GRM7: variants seen among roughly 807,000 people sequenced by gnomAD.
The protein encoded by GRM7 is metabotropic glutamate receptor 7.
A neutral mutation model predicts 84.5 loss-of-function variants in GRM7; 35 were observed. The ratio of observed to expected loss-of-function variants is 0.41; its 90% CI spans 0.32 to 0.55. The LOEUF (loss-of-function observed/expected upper bound fraction) is 0.55. Among genes scored for constraint, GRM7 ranks in the 20% least tolerant of loss-of-function variants. GRM7 has a pLI of 0.19. For synonymous variants in GRM7, 487 were observed against 455.1 expected, an observed-to-expected ratio of 1.07 and a Z score of -0.89; for missense variants, 1,003 against 1,194.6, an observed-to-expected ratio of 0.84 and a Z score of 2.36.
chr3:7,023,013 C>G (rs990284973), intron 1 of GRM7, among the ~76,000 whole-genome samples: 48 of 142,514 alleles, frequency 3.4e-4, no homozygotes, highest in Non-Finnish European at 6.3e-5. Context: ...CTTTTAGGGG[C>G]AGTAAATCAT....
intron 4 of GRM7, among the ~76,000 whole-genome samples, chr3:7,318,225 A>G (rs893172921): frequency 4.6e-5 from 7 of 151,972 alleles, no homozygotes; most frequent in Admixed American, 2.6e-4. Flanking sequence ...AAGGACAAGA[A>G]AACAGTTTTT....
At chr3:7,106,239 G>C (rs971368397) in intron 1 of GRM7, among the ~76,000 whole-genome samples, 1 of 150,714 alleles carries the variant, frequency 6.6e-6, no homozygotes, top group Non-Finnish European at 1.5e-5. Flanking sequence ...AATTTGAAAA[G>C]GTCAGGAACA....
At chr3:6,970,219 C>CCCAAACTTTG (rs917412629) in intron 1 of GRM7, among the ~76,000 whole-genome samples, 2 of 151,616 alleles carry the variant, frequency 1.3e-5, no homozygotes, top group African/African-American at 4.8e-5. Flanking sequence ...CCAAGACTTT[C>CCCAAACTTTG]CCTTCCGATC....
intron 2 of GRM7, among the ~76,000 whole-genome samples, chr3:7,266,481 G>A (rs997560402): frequency 6.6e-6 from 1 of 152,180 alleles, no homozygotes. Flanking sequence ...AGAACTGTTT[G>A]TGTGTGACCA....
At chr3:7,241,655 C>T (rs1363304865) in intron 2 of GRM7, among the ~76,000 whole-genome samples, 2 of 151,992 alleles carry the variant, frequency 1.3e-5, no homozygotes, top group African/African-American at 2.4e-5. Flanking sequence ...CAGAAGTGAA[C>T]AAAAGAGACT....
chr3:7,598,152 G>A (rs1404197180), intron 8 of GRM7, among the ~76,000 whole-genome samples: 1 of 152,184 alleles, frequency 6.6e-6, no homozygotes, highest in African/African-American at 2.4e-5. Flanking sequence ...ACATATTGCA[G>A]ATAAGGAATA....
chr3:6,892,341 G>A (rs912719624), intron 1 of GRM7, among the ~76,000 whole-genome samples: 8 of 151,638 alleles, frequency 5.3e-5, no homozygotes, highest in African/African-American at 1.5e-4. Context: ...TTGGGTCAGC[G>A]AGGCAGGCCT....
chr3:7,436,936 T>TCAA (rs1048995051), intron 5 of GRM7, among the ~76,000 whole-genome samples: 1 of 152,016 alleles, frequency 6.6e-6, no homozygotes, highest in Non-Finnish European at 1.5e-5. Context: ...ATCATCATCA[T>TCAA]CATTTCACTC....
intron 1 of GRM7, among the ~76,000 whole-genome samples, chr3:6,999,155 T>C (rs1164042796): frequency 6.6e-6 from 1 of 152,158 alleles, no homozygotes; most frequent in Non-Finnish European, 1.5e-5. Context: ...ATCATCTCTC[T>C]CAAGTTCAAA....
intron 4 of GRM7, among the ~76,000 whole-genome samples, chr3:7,321,310 T>C (rs1417199943): frequency 6.6e-6 from 1 of 152,102 alleles, no homozygotes; most frequent in Non-Finnish European, 1.5e-5. Flanking sequence ...TTTGTACTTC[T>C]AACTATAAAC....
intron 4 of GRM7, among the ~76,000 whole-genome samples, chr3:7,384,796 G>A (rs962783770): frequency 1.3e-5 from 2 of 152,152 alleles, no homozygotes; most frequent in Non-Finnish European, 2.9e-5. Flanking sequence ...TGGCTACAGA[G>A]AGATTGGGGA....
At chr3:6,870,226 A>G (rs1201208848) in intron 1 of GRM7, among the ~76,000 whole-genome samples, 6 of 152,154 alleles carry the variant, frequency 3.9e-5, no homozygotes, top group Non-Finnish European at 7.3e-5. Flanking sequence ...GCTAGGGGCT[A>G]TAAGTGTGGT....
At position 7,415,054 on chromosome 3, in the gene GRM7, T is replaced by G; in HGVS notation, c.1065T>G (p.Leu355=). ...ATGCCTACTTTACGTCCCGTACACT[T>G]GAAAACAACAGAAGAAATGTATGGT... ...GFDAYFTSRT[L]ENNRRNVWFA... is the part of the protein sequence containing the mutation. Residue 355 remains leucine (L), a synonymous_variant, in exon 5 of 10, where the codon CTT becomes CTG. Coordinates refer to ENST00000357716, the MANE Select transcript of GRM7 (RefSeq NM_000844.4). The G allele has an allele frequency of 1.2e-6, 2 of 1,613,140 alleles. No homozygotes were observed. Among genetic ancestry groups the G allele is most frequent in the Non-Finnish European group, 1.7e-6 (2 of 1,179,222 alleles).
In GRM7 at chr3:7,276,785, T is replaced by TCCTCCCTCCCTCCCTCCCTCCCTCCCTTC. The variant is rs1385259133; in HGVS notation, c.737-21896_737-21895insCCCTCCCTCCCTCCCTCCCTCCCTTCCCT. ...TTTCTCCCTTCCTTCCTTCCTTCCT[T>TCCTCCCTCCCTCCCTCCCTCCCTCCCTTC]CCTTCCTTCCTTCCTTCCTTTTTGG... is the stretch of plus-strand genomic sequence containing the variant. On this transcript the variant is annotated intron_variant, in intron 2 of 9. Transcript: ENST00000357716. 3.2e-5 allele frequency among the ~76,000 whole-genome samples: 2 copies of TCCTCCCTCCCTCCCTCCCTCCCTCCCTTC among 62,772 alleles called. 1 individual carries two copies. Among genetic ancestry groups the TCCTCCCTCCCTCCCTCCCTCCCTCCCTTC allele is most frequent in the African/African-American group, 1.6e-4 (2 of 12,254 alleles). 41.2% of individuals were successfully genotyped at this position (62,772 alleles called of 152,430 possible).
chr3:7,642,211 G>A (rs73810839), intron 8 of GRM7, among the ~76,000 whole-genome samples: 3,904 of 152,064 alleles, frequency 0.026, 138 homozygotes, highest in African/African-American at 0.076. Context: ...CAAACTTCCC[G>A]GAGCTACCAA....
intron 2 of GRM7, among the ~76,000 whole-genome samples, chr3:7,221,804 A>ATTTTTT (rs540956206): frequency 6.8e-4 from 66 of 97,336 alleles, no homozygotes; most frequent in Middle Eastern, 7.8e-3. Flanking sequence ...AATTTCTTGT[A>ATTTTTT]TTTTTTTTTT....
intron 2 of GRM7, among the ~76,000 whole-genome samples, chr3:7,276,078 T>TA (rs1368145616): frequency 1.3e-5 from 2 of 152,172 alleles, no homozygotes; most frequent in African/African-American, 4.8e-5. Flanking sequence ...TTTATGGATC[T>TA]AAAAAGAGCT....
rs1339076959 is a variant in GRM7, at chr3:7,710,589, TTGTC to T, written c.2699-29762_2699-29759del. ...GAGTATTTCTGAAAATACAGCCTGA[TTGTC>T]TGTCTCCACTGACACTCATTTCTCA... is the stretch of plus-strand genomic sequence containing the variant. On this transcript the variant is annotated intron_variant, in intron 9 of 9. Coordinates refer to ENST00000357716, the MANE Select transcript of GRM7 (RefSeq NM_000844.4). Among the ~76,000 whole-genome samples the T allele has an allele frequency of 6.6e-5, 10 of 152,248 alleles. No individual in the cohort carries two copies. The East Asian group carries it at 1.7e-3, about 27-fold the overall frequency.
At chr3:7,080,889 A>G (rs1216853615) in intron 1 of GRM7, among the ~76,000 whole-genome samples, 2 of 152,010 alleles carry the variant, frequency 1.3e-5, no homozygotes, top group Non-Finnish European at 2.9e-5. Context: ...TGCTCAAAAT[A>G]TTTAGCAAAT....
Sources: gnomAD v4.1 joint callset for allele counts (sites outside exome capture counted in the v4.1 genomes callset) on GRCh38, gnomAD v4.1.1 for gene constraint, MANE v1.5 for transcripts, NCBI Gene and HGNC (gene_info 2026-07-23, HGNC 2026-07-21) for gene names.